Variants in GPIHBP1 observed in about 807,000 individuals in gnomAD.
The protein encoded by GPIHBP1 is glycosylphosphatidylinositol anchored high density lipoprotein binding protein 1.
In GPIHBP1, 11 loss-of-function variants were observed where a neutral mutation model predicts 13.0. The observed-to-expected ratio is 0.84, with a 90% CI of 0.53 to 1.40. GPIHBP1 has a LOEUF of 1.40. Among genes scored for constraint, GPIHBP1 ranks in the 40% most tolerant of loss-of-function variants. The pLI, the probability that GPIHBP1 is intolerant of heterozygous loss-of-function variation, is 0.00. For synonymous variants in GPIHBP1, 106 were observed against 102.2 expected, an observed-to-expected ratio of 1.04 and a Z score of -0.22; for missense variants, 231 against 241.1, an observed-to-expected ratio of 0.96 and a Z score of 0.28.
chr8:143,216,329 C>G lies in GPIHBP1; in HGVS notation c.*811C>G, dbSNP rs1001790409. 6.6e-6 allele frequency: 1 copy of G among 151,872 alleles called. No homozygotes were observed. Among genetic ancestry groups the G allele is most frequent in the Admixed American group, 6.5e-5 (1 of 15,284 alleles). The allele number at this position is 151,872 out of a possible 1,614,324, so 9.4% of individuals were successfully genotyped here. On this transcript the variant is annotated 3_prime_UTR_variant, in exon 4 of 4. Transcript: ENST00000622500. ...GGACAGCGCCTGAGGCTGGGAATAC[C>G]TGTCTCTGCTCTAGCAGAGGCTAAA...
chr8:143,214,004 G>A lies in GPIHBP1; in HGVS notation c.181+54G>A, dbSNP rs1182710959. 1.3e-6 allele frequency: 2 copies of A among 1,545,732 alleles called. No homozygotes were observed. Among genetic ancestry groups the A allele is most frequent in the Non-Finnish European group, 1.7e-6 (2 of 1,144,966 alleles). ...CTGCCTGATCTGCCTGGAGCATTCTGGGCGGGGCTGTGTGATGGAAGCCAG... is the reference window on the plus strand; with the variant it reads ...CTGCCTGATCTGCCTGGAGCATTCTAGGCGGGGCTGTGTGATGGAAGCCAG... On this transcript the variant is annotated intron_variant, in intron 2 of 3. Transcript: ENST00000622500. This position sits in a 1 kb window ranked among gnomAD's most constrained non-coding sequence, Gnocchi z 4.1.
rs937585315 is a variant in GPIHBP1, at chr8:143,214,105, A to G, written c.181+155A>G. Among the ~76,000 whole-genome samples the G allele has an allele frequency of 5.9e-5, 9 of 152,090 alleles. No individual in the cohort carries two copies. The highest frequency in any genetic ancestry group is 2.2e-4 in the African/African-American group (9 of 41,418). ...AGTACACCCCTCACTGCTGCTCACC[A>G]TGACACTCAGTTGCCTTCCAGAGTA... On this transcript the variant is annotated intron_variant, in intron 2 of 3. Transcript: ENST00000622500. The surrounding 1 kb of genome is among the most constrained non-coding windows in gnomAD (Gnocchi z 4.1).
rs1816326189 is a variant in GPIHBP1, at chr8:143,217,114, C to G, written c.*1596C>G. ...AGCTCGCTGCCGACAGAAGTCACTG[C>G]CTACCTCAGGGTCCCCTTACCTGGG... On this transcript the variant is annotated 3_prime_UTR_variant, in exon 4 of 4. Transcript: ENST00000622500. 1 of 152,200 alleles carries G rather than the reference C, an allele frequency of 6.6e-6. No homozygotes were observed. The highest frequency in any genetic ancestry group is 1.5e-5 in the Non-Finnish European group (1 of 68,030). 9.4% of individuals were successfully genotyped at this position (152,200 alleles called of 1,614,324 possible).
At chr8:143,213,687 A>AG in intron 1 of GPIHBP1, 135 bp from the exon 2 acceptor site, 1 of 1,090,838 alleles carries the variant, frequency 9.2e-7, no homozygotes, top group Admixed American at 2.6e-5. Context: ...TGTTCAGGGT[A>AG]GGGGCCCTCC....
At chr8:143,215,161 C>A (rs1481375644) in intron 3 of GPIHBP1, 35 bp downstream of exon 3, 1 of 1,610,120 alleles carries the variant, frequency 6.2e-7, no homozygotes, top group South Asian at 1.1e-5. Flanking sequence ...CATGCACCCC[C>A]AGGCGGCGGG....
chr8:143,214,865 T>G lies in GPIHBP1; in HGVS notation c.182-148T>G, dbSNP rs912586647. ...ACACAGCACAGCTTACAGGACCAAG[T>G]CAGGGGTCGCCCGCCCATCTGAGCA... On this transcript the variant is annotated intron_variant, in intron 2 of 3. Coordinates refer to ENST00000622500, the MANE Select transcript of GPIHBP1 (RefSeq NM_178172.6). The surrounding 1 kb of genome is among the most constrained non-coding windows in gnomAD (Gnocchi z 4.1). 1 of 637,252 alleles carries G rather than the reference T, an allele frequency of 1.6e-6. No homozygotes were observed. Among genetic ancestry groups the G allele is most frequent in the Non-Finnish European group, 2.8e-6 (1 of 355,184 alleles). The allele number at this position is 637,252 out of a possible 1,614,324, so 39.5% of individuals were successfully genotyped here. A position where few individuals can be genotyped will look rare whatever the true frequency, so the allele number is the denominator to read the frequency against.
Position 143,215,773 on chromosome 8 carries a change from C to G in GPIHBP1, c.*255C>G, listed in dbSNP as rs1208486525. On this transcript the variant is annotated 3_prime_UTR_variant, in exon 4 of 4. Coordinates refer to ENST00000622500, the MANE Select transcript of GPIHBP1 (RefSeq NM_178172.6). ...GGGTCCAGACCTCGGCTGCCACGCCCCAGGACCTGCAGCCCTCATGGGGGC... is the reference window on the plus strand; with the variant it reads ...GGGTCCAGACCTCGGCTGCCACGCCGCAGGACCTGCAGCCCTCATGGGGGC... 1.8e-6 allele frequency: 1 copy of G among 570,510 alleles called. No individual in the cohort carries two copies. The highest frequency in any genetic ancestry group is 1.9e-5 in the African/African-American group (1 of 53,508). 35.3% of individuals were successfully genotyped at this position (570,510 alleles called of 1,614,324 possible).
chr8:143,213,396 C>A, intron 1 of GPIHBP1, 77 bp downstream of exon 1: 1 of 1,221,980 alleles, frequency 8.2e-7, no homozygotes, highest in South Asian at 1.3e-5. Context: ...CAGGGACCCC[C>A]AGCAGGGGCT....
intron 1 of GPIHBP1, 72 bp downstream of exon 1, chr8:143,213,391 AC>A: frequency 7.8e-7 from 1 of 1,282,468 alleles, no homozygotes. Context: ...ACCTCCAGGG[AC>A]CCCCAGCAGG....
Position 143,215,485 on chromosome 8 carries a change from C to G in GPIHBP1, c.522C>G (p.Ala174=). Residue 174 remains alanine (A), a synonymous_variant, in exon 4 of 4, where the codon GCC becomes GCG. Coordinates refer to ENST00000622500, the MANE Select transcript of GPIHBP1 (RefSeq NM_178172.6). ...CAGCCCTCCTGCTCAACCTCCTTGC[C>G]GGCCTTGGAGCAATGGGGGCCAGGA... ...VGAALLLNLL[A]GLGAMGARRP 8 of 1,610,108 alleles carry G rather than the reference C, an allele frequency of 5.0e-6. No individual in the cohort carries two copies. The highest frequency in any genetic ancestry group is 6.8e-6 in the Non-Finnish European group (8 of 1,179,242).
At position 143,215,986 on chromosome 8, in the gene GPIHBP1, G is replaced by A; in HGVS notation, c.*468G>A. 5.8e-6 allele frequency: 1 copy of A among 172,078 alleles called. No individual in the cohort carries two copies. Among genetic ancestry groups the A allele is most frequent in the Non-Finnish European group, 1.3e-5 (1 of 79,904 alleles). The allele number at this position is 172,078 out of a possible 1,614,324, so 10.7% of individuals were successfully genotyped here. A position where few individuals can be genotyped will look rare whatever the true frequency, so the allele number is the denominator to read the frequency against. On this transcript the variant is annotated 3_prime_UTR_variant, in exon 4 of 4. Transcript: ENST00000622500. ...TGGAGGGAAGGGGATTTGGAGGGAG[G>A]CTGTCGTCGCCCCCAGGAAAGACGG... is the stretch of plus-strand genomic sequence containing the variant.
intron 1 of GPIHBP1, among the ~76,000 whole-genome samples, chr8:143,213,534 A>G (rs1816252553): frequency 6.6e-6 from 1 of 151,942 alleles, no homozygotes; most frequent in African/African-American, 2.4e-5. Flanking sequence ...AGGGGCTACC[A>G]TAAAGGGCCA....
rs374384937 is a variant in GPIHBP1 at position 143,215,432 on chromosome 8, C to A, written c.469C>A (p.Pro157Thr). Residue 157 changes from proline to threonine, a missense_variant, in exon 4 of 4, where the codon CCC (proline) becomes ACC (threonine). Physicochemically the swap from Pro to Thr is conservative, Grantham distance 38 (BLOSUM62 -1). Coordinates refer to ENST00000622500, the MANE Select transcript of GPIHBP1 (RefSeq NM_178172.6). ...QDPTGKGAGG[P>T]RGSSETVGAA... ...CCCAACAGGCAAGGGGGCAGGCGGC[C>A]CCCGGGGCAGCTCCGAAACTGTGGG... The A allele has an allele frequency of 6.2e-7, 1 of 1,612,632 alleles. No individual in the cohort carries two copies. Among genetic ancestry groups the A allele is most frequent in the African/African-American group, 1.3e-5 (1 of 75,052 alleles).
At position 143,215,926 on chromosome 8, in the gene GPIHBP1, A is replaced by C; in HGVS notation, c.*408A>C. On this transcript the variant is annotated 3_prime_UTR_variant, in exon 4 of 4. Coordinates refer to ENST00000622500, the MANE Select transcript of GPIHBP1 (RefSeq NM_178172.6). ...CCATCTGCAGCGGTCACACGGGCCC[A>C]CCCTGCCCTTCCCCAGGTCGGCCTC... 1 of 211,016 alleles carries C rather than the reference A, an allele frequency of 4.7e-6. No homozygotes were observed. The highest frequency in any genetic ancestry group is 9.5e-6 in the Non-Finnish European group (1 of 104,934). 13.1% of individuals were successfully genotyped at this position (211,016 alleles called of 1,614,324 possible).
rs751011642 is a variant in GPIHBP1, at chr8:143,215,056, G to A, written c.225G>A (p.Glu75=). 23 of 1,606,392 alleles carry A rather than the reference G, an allele frequency of 1.4e-5. No homozygotes were observed. The South Asian group carries it at 2.2e-4, about 15-fold the overall frequency. ...CCTGCAAGTCCCTGCCCAGGGACGA[G>A]CGCTGCAACCTGACGCAGAACTGCT... is the stretch of plus-strand genomic sequence containing the variant. The part of the protein sequence containing the change: ...CYTCKSLPRD[E]RCNLTQNCSH... Residue 75 remains glutamate (E), a synonymous_variant, in exon 3 of 4, where the codon GAG becomes GAA. Transcript: ENST00000622500.
Position 143,213,845 on chromosome 8 carries a change from G to A in GPIHBP1, c.76G>A (p.Glu26Lys), listed in dbSNP as rs1816258432. ...AGGGAGAGGGCAGACACAGCAGGAG[G>A]AAGAGGAAGAGGACGAGGACCACGG... ...RPGRGQTQQEEEEEDEDHGPD... is the reference protein window; with the variant it reads ...RPGRGQTQQEKEEEDEDHGPD... The change falls in exon 2 of 4, where the codon GAA becomes AAA. Residue 26 changes from glutamate (E) to lysine (K), a missense_variant. Coordinates refer to ENST00000622500, the MANE Select transcript of GPIHBP1 (RefSeq NM_178172.6). 6.4e-7 allele frequency: 1 copy of A among 1,560,802 alleles called. No individual in the cohort carries two copies. The highest frequency in any genetic ancestry group is 8.7e-7 in the Non-Finnish European group (1 of 1,152,620).
chr8:143,213,973 G>C, intron 2 of GPIHBP1, 23 bp downstream of exon 2: 1 of 1,549,768 alleles, frequency 6.5e-7, no homozygotes, highest in Non-Finnish European at 8.7e-7. Flanking sequence ...CAACCCCAGA[G>C]CCCTGCTGCC....
chr8:143,213,404 G>A (rs1816250352), intron 1 of GPIHBP1, 85 bp downstream of exon 1: 1 of 1,170,988 alleles, frequency 8.5e-7, no homozygotes. Flanking sequence ...CCCAGCAGGG[G>A]CTTAGGAAGA....
chr8:143,213,467 G>A, intron 1 of GPIHBP1, 148 bp downstream of exon 1: 1 of 755,576 alleles, frequency 1.3e-6, no homozygotes, highest in Admixed American at 2.4e-5. Flanking sequence ...ATGGAAGCTG[G>A]CCTGGGTCCC....
Sources: allele counts gnomAD v4.1 joint callset (sites outside exome capture counted in the v4.1 genomes callset), GRCh38; gene constraint gnomAD v4.1.1; non-coding constraint Gnocchi (gnomAD v3.1); transcripts MANE v1.5; gene names NCBI Gene and HGNC (gene_info 2026-07-23, HGNC 2026-07-21).